LRRC7: variants seen among roughly 807,000 people sequenced by gnomAD.
LRRC7 encodes leucine-rich repeat-containing protein 7.
LRRC7 carries 23 observed loss-of-function variants against 175.7 expected under a neutral mutation model. The ratio of observed to expected loss-of-function variants is 0.13; its 90% confidence interval spans 0.09 to 0.19. LRRC7 has a LOEUF of 0.19. Among genes scored for constraint, LRRC7 ranks in the 10% least tolerant of loss-of-function variants. The pLI is 1.00. For synonymous variants in LRRC7, 685 were observed against 680.9 expected (o/e 1.01, Z -0.09); for missense variants, 1,354 against 1,904.7 (o/e 0.71, Z 5.38).
chr1:70,089,873 C>A, intron 25 of LRRC7, 54 bp downstream of exon 25: 1 of 1,278,264 alleles, frequency 7.8e-7, no homozygotes. Flanking sequence ...CTATCTCCTA[C>A]AGTAACAAAG....
intron 5 of LRRC7, among the ~76,000 whole-genome samples, chr1:69,827,013 A>G (rs1359464867): frequency 6.6e-6 from 1 of 152,166 alleles, no homozygotes; most frequent in African/African-American, 2.4e-5. Flanking sequence ...TAGGAAATGT[A>G]AAACATCAAG....
At chr1:69,697,588 A>T (rs927502563) in intron 2 of LRRC7, among the ~76,000 whole-genome samples, 1 of 152,230 alleles carries the variant, frequency 6.6e-6, no homozygotes, top group African/African-American at 2.4e-5. Flanking sequence ...TCAGGCCAGC[A>T]GGGGCTATAC....
chr1:69,838,015 A>G (rs1327571377), intron 6 of LRRC7, among the ~76,000 whole-genome samples: 1 of 151,740 alleles, frequency 6.6e-6, no homozygotes, highest in Admixed American at 6.6e-5. Context: ...ACAATGTGTA[A>G]TGATCAAATT....
At position 69,573,959 on chromosome 1, in the gene LRRC7, T is replaced by A. The variant is rs147460425; in HGVS notation, c.2+5318T>A. Among the ~76,000 whole-genome samples, 295 of 152,270 alleles carry A rather than the reference T, an allele frequency of 1.9e-3. 1 individual carries two copies. The highest frequency in any genetic ancestry group is 6.8e-3 in the African/African-American group (282 of 41,554). On this transcript the variant is annotated intron_variant, in intron 1 of 26. Coordinates refer to ENST00000651989, the MANE Select transcript of LRRC7 (RefSeq NM_001370785.2). ...ATTTATAGGCTTCTTAAAGATGCAG[T>A]TTCTTCAGTTGTGCCAGGATATTTT... is the stretch of plus-strand genomic sequence containing the variant.
At chr1:69,891,615 C>T (rs1045292357) in intron 7 of LRRC7, among the ~76,000 whole-genome samples, 11 of 152,112 alleles carry the variant, frequency 7.2e-5, no homozygotes, top group Admixed American at 5.9e-4. Flanking sequence ...ATCTGTAGTG[C>T]CAGCTACTCA....
At chr1:70,097,234 G>A (rs1229622994) in intron 25 of LRRC7, among the ~76,000 whole-genome samples, 3 of 152,132 alleles carry the variant, frequency 2.0e-5, no homozygotes, top group Non-Finnish European at 2.9e-5. Context: ...CACAACTGTA[G>A]TGTCTTCTGG....
Position 69,649,246 on chromosome 1 carries a change from A to T in LRRC7, c.3-29135A>T, listed in dbSNP as rs190757654. Among the ~76,000 whole-genome samples, 9 of 152,300 alleles carry T rather than the reference A, an allele frequency of 5.9e-5. No homozygotes were observed. The East Asian group carries it at 1.7e-3, about 29-fold the overall frequency. On this transcript the variant is annotated intron_variant, in intron 1 of 26. Transcript: ENST00000651989. ...ACATAAAGTGGAAATTATAATAGTA[A>T]CTTATTTACTTCATAAAGTACCTAC...
intron 7 of LRRC7, among the ~76,000 whole-genome samples, chr1:69,899,824 C>T (rs1212219207): frequency 1.3e-5 from 2 of 152,118 alleles, no homozygotes; most frequent in Non-Finnish European, 2.9e-5. Flanking sequence ...CTTAGCCTTC[C>T]TCCCTTCTTG....
chr1:69,720,176 T>C (rs1666196181), intron 2 of LRRC7, among the ~76,000 whole-genome samples: 2 of 151,828 alleles, frequency 1.3e-5, no homozygotes, highest in Non-Finnish European at 3.0e-5. Flanking sequence ...CACCTACTTA[T>C]ATTTTTTTCT....
At chr1:69,648,351 C>CTCCTGAGGAAGA (rs1553132174) in intron 1 of LRRC7, among the ~76,000 whole-genome samples, 1 of 152,046 alleles carries the variant, frequency 6.6e-6, no homozygotes, top group East Asian at 1.9e-4. Context: ...ACAGGGAGAT[C>CTCCTGAGGAAGA]TCCTGAGGAA....
intron 3 of LRRC7, among the ~76,000 whole-genome samples, chr1:69,785,787 G>A (rs767430930): frequency 2.0e-5 from 3 of 152,002 alleles, no homozygotes; most frequent in East Asian, 1.9e-4. Flanking sequence ...GAAAATGTTT[G>A]TAATATAATA....
chr1:69,968,768 C>A (rs1651914080), intron 8 of LRRC7, among the ~76,000 whole-genome samples: 1 of 152,090 alleles, frequency 6.6e-6, no homozygotes, highest in Non-Finnish European at 1.5e-5. Context: ...AATAAAACAA[C>A]CGCTGAAAGG....
rs201437496 is a variant in LRRC7, at chr1:69,694,747, C to G, written c.100+16269C>G. Among the ~76,000 whole-genome samples, 63 of 149,232 alleles carry G rather than the reference C, an allele frequency of 4.2e-4. 1 individual carries two copies. The East Asian group carries it at 0.012, about 28-fold the overall frequency. ...AGAGTGTGGTACCCCTACCCCCCCC[C>G]ACTTCCTCTTCCTCCTTCTCAGCAT... On this transcript the variant is annotated intron_variant, in intron 2 of 26. Transcript: ENST00000651989.
chr1:69,984,645 T>G (rs1477446565), intron 9 of LRRC7, among the ~76,000 whole-genome samples: 1 of 152,162 alleles, frequency 6.6e-6, no homozygotes, highest in South Asian at 2.1e-4. Context: ...AATCAGTTAC[T>G]AATCCAATCA....
At chr1:69,939,031 CTATATATATCTA>C (rs1210402793) in intron 8 of LRRC7, among the ~76,000 whole-genome samples, 18 of 58,264 alleles carry the variant, frequency 3.1e-4, no homozygotes, top group African/African-American at 8.3e-4. Context: ...ATATATATAT[CTATATATATCTA>C]TATCTATCTC....
In LRRC7 at chr1:69,833,002, G is replaced by A. The variant is rs1437474337; in HGVS notation, c.501-1778G>A. ...TGCCTGTGATCCCATCTACTCAGGA[G>A]GCTGGAGCAGGAGAATCACTGTAAC... is the stretch of plus-strand genomic sequence containing the variant. On this transcript the variant is annotated intron_variant, in intron 5 of 26. Coordinates refer to ENST00000651989, the MANE Select transcript of LRRC7 (RefSeq NM_001370785.2). Among the ~76,000 whole-genome samples, 5 of 152,214 alleles carry A rather than the reference G, an allele frequency of 3.3e-5. No individual in the cohort carries two copies. The East Asian group carries it at 9.7e-4, about 29-fold the overall frequency.
intron 23 of LRRC7, among the ~76,000 whole-genome samples, chr1:70,074,126 T>C (rs1336864847): frequency 6.7e-6 from 1 of 149,686 alleles, no homozygotes; most frequent in Non-Finnish European, 1.5e-5. Context: ...CACTTGGACC[T>C]GGGAGACGGA....
At chr1:69,908,207 A>C (rs981795775) in intron 7 of LRRC7, among the ~76,000 whole-genome samples, 14 of 152,254 alleles carry the variant, frequency 9.2e-5, no homozygotes, top group African/African-American at 3.4e-4. Context: ...CTTTTCAAAA[A>C]ACCAGCTCCT....
At chr1:69,882,962 C>A (rs527822909) in intron 7 of LRRC7, among the ~76,000 whole-genome samples, 168 of 152,068 alleles carry the variant, frequency 1.1e-3, no homozygotes, top group African/African-American at 4.0e-3. Context: ...TTTATGGCTG[C>A]ATAGTATTCC....
Sources: gnomAD v4.1 joint callset for allele counts (sites outside exome capture counted in the v4.1 genomes callset) on GRCh38, gnomAD v4.1.1 for gene constraint, MANE v1.5 for transcripts, NCBI Gene and HGNC (gene_info 2026-07-23, HGNC 2026-07-21) for gene names.